LIG3: variants seen among roughly 807,000 people sequenced by gnomAD.
The protein encoded by LIG3 is DNA ligase 3, also known as ligase II, DNA, ATP-dependent.
A neutral mutation model predicts 110.9 loss-of-function variants in LIG3; 58 were observed. The observed-to-expected ratio is 0.52, with a 90% CI of 0.42 to 0.65. The LOEUF (loss-of-function observed/expected upper bound fraction) is 0.65. Among genes scored for constraint, LIG3 ranks in the 30% least tolerant of loss-of-function variants. The pLI is 0.00. For synonymous variants in LIG3, 422 were observed against 472.8 expected (o/e 0.89, Z 1.39); for missense variants, 1,094 against 1,273.8 (o/e 0.86, Z 2.15).
Position 34,996,662 on chromosome 17 carries a change from G to C in LIG3, c.1823+9G>C. 6.2e-7 allele frequency: 1 copy of C among 1,609,942 alleles called. No homozygotes were observed. ...GTCAGCTTGATGGACAGGTGAGTTGGCTAGCATCTTTAAACCCAGAAACTG... is the reference window on the plus strand; with the variant it reads ...GTCAGCTTGATGGACAGGTGAGTTGCCTAGCATCTTTAAACCCAGAAACTG... On this transcript the variant is annotated intron_variant, in intron 11 of 19. Transcript: ENST00000378526.
chr17:35,007,327 G>T lies in LIG3; in HGVS notation c.*2821G>T, dbSNP rs1036373598. On this transcript the variant is annotated 3_prime_UTR_variant, in exon 20 of 20. Transcript: ENST00000378526. Reference sequence around the variant, plus strand: ...TATGTATTTTCTTCCAGTCTTTGCTGCTGAGATCTGACTGTATATACTATT... The same window carrying T: ...TATGTATTTTCTTCCAGTCTTTGCTTCTGAGATCTGACTGTATATACTATT... 1 of 152,228 alleles carries T rather than the reference G, an allele frequency of 6.6e-6. No homozygotes were observed. The highest frequency in any genetic ancestry group is 2.4e-5 in the African/African-American group (1 of 41,436). The allele number at this position is 152,228 out of a possible 1,614,324, so 9.4% of individuals were successfully genotyped here.
intron 19 of LIG3, 62 bp from the exon 20 acceptor site, chr17:35,004,211 G>GAGCAC (rs2090874761): frequency 4.0e-6 from 5 of 1,264,568 alleles, no homozygotes; most frequent in Non-Finnish European, 5.7e-6. Context: ...TGCTCATTTG[G>GAGCAC]GTGAAGACCC....
rs548246073 is a variant in LIG3 at position 35,005,411 on chromosome 17, G to T, written c.*905G>T. On this transcript the variant is annotated 3_prime_UTR_variant, in exon 20 of 20. Coordinates refer to ENST00000378526, the MANE Select transcript of LIG3 (RefSeq NM_013975.4). ...AGCCATGACTGTGTATGCTCTGGTG[G>T]TGGTGTCTTACTTCCTCATGACTGG... The T allele has an allele frequency of 3.2e-5, 18 of 559,782 alleles. No homozygotes were observed. Among genetic ancestry groups the T allele is most frequent in the Non-Finnish European group, 6.5e-5 (18 of 276,194 alleles). 34.7% of individuals were successfully genotyped at this position (559,782 alleles called of 1,614,324 possible).
At position 35,004,156 on chromosome 17, in the gene LIG3, C is replaced by T. The variant is rs903539362; in HGVS notation, c.2797-117C>T. On this transcript the variant is annotated intron_variant, in intron 19 of 19. Coordinates refer to ENST00000378526, the MANE Select transcript of LIG3 (RefSeq NM_013975.4). ...TATTGATGCATGGTATTCCAGTAAA[C>T]TTCTCTGCTTGTGTCCTAACTCTAG... 8 of 712,446 alleles carry T rather than the reference C, an allele frequency of 1.1e-5. No homozygotes were observed. The East Asian group carries it at 1.6e-4, about 14-fold the overall frequency. 44.1% of individuals were successfully genotyped at this position (712,446 alleles called of 1,614,324 possible). A position where few individuals can be genotyped will look rare whatever the true frequency, so the allele number is the denominator to read the frequency against.
rs1000196613 is a variant in LIG3 at position 35,005,931 on chromosome 17, G to A, written c.*1425G>A. 2.4e-5 allele frequency: 7 copies of A among 290,530 alleles called. No homozygotes were observed. The highest frequency in any genetic ancestry group is 8.2e-5 in the East Asian group (1 of 12,232). The allele number at this position is 290,530 out of a possible 1,614,324, so 18.0% of individuals were successfully genotyped here. On this transcript the variant is annotated 3_prime_UTR_variant, in exon 20 of 20. Transcript: ENST00000378526. ...TTTCTTCTTGGTATCAGAGAGACAAGTTTATCACAGTATTTTTTTTTTTCC... is the reference window on the plus strand; with the variant it reads ...TTTCTTCTTGGTATCAGAGAGACAAATTTATCACAGTATTTTTTTTTTTCC...
intron 3 of LIG3, 25 bp downstream of exon 3, chr17:34,986,156 G>C: frequency 6.2e-7 from 1 of 1,611,176 alleles, no homozygotes; most frequent in Non-Finnish European, 8.5e-7. Flanking sequence ...GGCTACTTTA[G>C]CTGTTATAGT....
At chr17:34,989,108 T>A (rs1476221121) in intron 3 of LIG3, among the ~76,000 whole-genome samples, 1 of 152,064 alleles carries the variant, frequency 6.6e-6, no homozygotes, top group Non-Finnish European at 1.5e-5. Flanking sequence ...TCGCATAGTG[T>A]TAGGGTTACA....
chr17:34,999,675 A>G (rs1198703476), intron 15 of LIG3, 107 bp from the exon 16 acceptor site: 3 of 1,173,508 alleles, frequency 2.6e-6, no homozygotes, highest in Non-Finnish European at 3.8e-6. Context: ...CACATGGCTC[A>G]AACATCAGCT....
At chr17:35,004,220 C>T (rs1230126935) in intron 19 of LIG3, 53 bp from the exon 20 acceptor site, 2 of 1,364,626 alleles carry the variant, frequency 1.5e-6, no homozygotes, top group Admixed American at 1.8e-5. Flanking sequence ...GGGTGAAGAC[C>T]CATCTGTACC....
At chr17:34,996,948 A>G (rs1389440114) in intron 11 of LIG3, 1 of 368,420 alleles carries the variant, frequency 2.7e-6, no homozygotes, top group Non-Finnish European at 5.0e-6. Flanking sequence ...TTTCTCTACT[A>G]AAGCAAAATG....
chr17:35,005,943 A>ATT lies in LIG3; in HGVS notation c.*1447_*1448dup. On this transcript the variant is annotated 3_prime_UTR_variant, in exon 20 of 20. Transcript: ENST00000378526. ...ATCAGAGAGACAAGTTTATCACAGT[A>ATT]TTTTTTTTTTTCCTGCTGACCTATT... The ATT allele has an allele frequency of 5.8e-5, 15 of 258,296 alleles. No homozygotes were observed. Among genetic ancestry groups the ATT allele is most frequent in the East Asian group, 9.8e-5 (1 of 10,242 alleles). The allele number at this position is 258,296 out of a possible 1,614,324, so 16.0% of individuals were successfully genotyped here.
At position 35,003,927 on chromosome 17, in the gene LIG3, GT is replaced by G. The variant is rs1280347640; in HGVS notation, c.2797-345del. 1.4e-5 allele frequency: 4 copies of G among 285,442 alleles called. No homozygotes were observed. The South Asian group carries it at 1.6e-4, about 11-fold the overall frequency. The allele number at this position is 285,442 out of a possible 1,614,324, so 17.7% of individuals were successfully genotyped here. On this transcript the variant is annotated intron_variant, in intron 19 of 19. Transcript: ENST00000378526. ...CAGGTTGTACAGAGTAGACTGCTTG[GT>G]CTCAGGGGACATCACTGAGTCTGGG...
At chr17:34,985,966 A>G (rs773691923) in intron 2 of LIG3, 22 bp from the exon 3 acceptor site, 19 of 1,608,962 alleles carry the variant, frequency 1.2e-5, no homozygotes, top group South Asian at 2.2e-5. Context: ...AGGATATTTT[A>G]TACTCTTTTG....
chr17:34,989,774 T>C, intron 4 of LIG3, 111 bp downstream of exon 4: 2 of 982,350 alleles, frequency 2.0e-6, no homozygotes, highest in Non-Finnish European at 3.2e-6. Context: ...CTTGGTTTAA[T>C]GCTGTACTGT....
At chr17:34,988,190 CAAAAAA>C (rs555462146) in intron 3 of LIG3, among the ~76,000 whole-genome samples, 587 of 45,700 alleles carry the variant, frequency 0.013, 7 homozygotes, top group African/African-American at 0.046. Context: ...GACTCTGTCT[CAAAAAA>C]AAAAAAAAAA....
In LIG3 at chr17:34,991,766, G is replaced by A. The variant is rs929638942; in HGVS notation, c.1137G>A (p.Glu379=). The A allele has an allele frequency of 1.2e-6, 2 of 1,614,004 alleles. No individual in the cohort carries two copies. Among genetic ancestry groups the A allele is most frequent in the Non-Finnish European group, 1.7e-6 (2 of 1,180,036 alleles). Residue 379 remains glutamate (E), a synonymous_variant, in exon 6 of 20, where the codon GAG becomes GAA. Coordinates refer to ENST00000378526, the MANE Select transcript of LIG3 (RefSeq NM_013975.4). ...TCCTTACCATCCAGGAAGTGGATGA[G>A]TTCCTTCTGCGGCTGTCCAAGCTCA... is the stretch of plus-strand genomic sequence containing the variant. ...KSLLTIQEVD[E]FLLRLSKLTK...
At chr17:34,996,307 T>C in intron 10 of LIG3, 112 bp downstream of exon 10, 2 of 1,262,170 alleles carry the variant, frequency 1.6e-6, no homozygotes, top group Middle Eastern at 2.0e-4. Context: ...GTGGCCCTTA[T>C]TCTTCGCTTC....
At chr17:34,997,923 T>A in intron 12 of LIG3, 98 bp downstream of exon 12, 2 of 903,184 alleles carry the variant, frequency 2.2e-6, no homozygotes, top group South Asian at 1.4e-5. Context: ...AATCTTAATG[T>A]CTTATGGAGC....
intron 11 of LIG3, 64 bp downstream of exon 11, chr17:34,996,717 G>A: frequency 7.4e-7 from 1 of 1,349,588 alleles, no homozygotes; most frequent in Non-Finnish European, 1.1e-6. Context: ...TCCTGGGTGA[G>A]GAAGATGGGG....
Sources: gnomAD v4.1 joint callset for allele counts (sites outside exome capture counted in the v4.1 genomes callset) on GRCh38, gnomAD v4.1.1 for gene constraint, MANE v1.5 for transcripts, NCBI Gene and HGNC (gene_info 2026-07-23, HGNC 2026-07-21) for gene names.